Variants in PRR5 observed in about 807,000 individuals in gnomAD.
PRR5 encodes proline-rich protein 5.
A neutral mutation model predicts 30.6 loss-of-function variants in PRR5; 25 were observed. The ratio of observed to expected loss-of-function variants is 0.82; its 90% CI spans 0.60 to 1.14. The LOEUF (loss-of-function observed/expected upper bound fraction) is 1.14. Ranked by LOEUF, PRR5 falls within the 50% of genes most tolerant of loss-of-function variation. The probability of loss-of-function intolerance (pLI) is 0.00; values close to 1 mark genes in which losing one functional copy is unlikely to be tolerated. For missense variants in PRR5, 600 were observed against 547.1 expected (o/e 1.10, Z -0.96); for synonymous variants, 286 against 247.1 (o/e 1.16, Z -1.48).
Position 44,735,052 on chromosome 22 carries a change from C to T in PRR5, c.581C>T (p.Thr194Ile), listed in dbSNP as rs199542509. The change falls in exon 7 of 8, where the codon ACT becomes ATT. Residue 194 changes from threonine (T) to isoleucine (I), a missense_variant. Transcript: ENST00000336985. ...LQGVHESRGV[T>I]EDYLRLETLV... ...GGGGTACATGAGTCCAGGGGCGTGA[C>T]TGAGGACTACCTGCGCCTGGAGACG... 5 of 1,612,720 alleles carry T rather than the reference C, an allele frequency of 3.1e-6. No individual in the cohort carries two copies. In the East Asian group the frequency reaches 1.1e-4, roughly 36 times the overall value.
chr22:44,688,980 T>C (rs1010148994), intron 1 of PRR5, among the ~76,000 whole-genome samples: 1 of 152,212 alleles, frequency 6.6e-6, no homozygotes, highest in African/African-American at 2.4e-5. Flanking sequence ...TTATATCTTA[T>C]GTGTTATAAT....
At chr22:44,712,429 G>T (rs1569090348) in intron 1 of PRR5, among the ~76,000 whole-genome samples, 1 of 152,224 alleles carries the variant, frequency 6.6e-6, no homozygotes, top group African/African-American at 2.4e-5. Flanking sequence ...CTGTGACCCT[G>T]CCCTGCGCCA....
At chr22:44,683,301 G>A (rs566682402) in intron 1 of PRR5, among the ~76,000 whole-genome samples, 1 of 152,204 alleles carries the variant, frequency 6.6e-6, no homozygotes, top group Admixed American at 6.5e-5. Flanking sequence ...AATCCAAGTG[G>A]GCCAAGCCAG....
intron 1 of PRR5, among the ~76,000 whole-genome samples, chr22:44,690,735 A>C (rs1407593727): frequency 6.6e-6 from 1 of 152,160 alleles, no homozygotes. Flanking sequence ...TTATCACTGA[A>C]AAAATAACCC....
chr22:44,702,828 C>T (rs1001619270), intron 1 of PRR5, among the ~76,000 whole-genome samples: 25 of 152,258 alleles, frequency 1.6e-4, no homozygotes, highest in African/African-American at 6.0e-4. Context: ...CGAGGCCCGC[C>T]AGCGCCCGGG....
At chr22:44,729,533 C>G (rs138711043) in intron 4 of PRR5, 2 of 985,538 alleles carry the variant, frequency 2.0e-6, no homozygotes, top group East Asian at 2.3e-4. Context: ...GCTGTTTCAT[C>G]TCAGCTTTCG....
chr22:44,735,010 G>A lies in PRR5; in HGVS notation c.556-17G>A, dbSNP rs562986062. ...TCGGGTGCATGACCCCCTACCCCCT[G>A]CCCCACTCTCCTGCAGGGGGTACAT... On this transcript the variant is annotated splice_polypyrimidine_tract_variant and intron_variant, in intron 6 of 7. Transcript: ENST00000336985. The A allele has an allele frequency of 1.2e-6, 2 of 1,609,554 alleles. No homozygotes were observed. Among genetic ancestry groups the A allele is most frequent in the Non-Finnish European group, 1.7e-6 (2 of 1,177,492 alleles).
intron 1 of PRR5, among the ~76,000 whole-genome samples, chr22:44,689,296 G>A (rs952158922): frequency 7.9e-5 from 12 of 152,132 alleles, no homozygotes; most frequent in Non-Finnish European, 1.5e-4. Context: ...GAGTTCCGAG[G>A]AATCCAGCTT....
At chr22:44,718,192 C>CTTTTT (rs34868054) in intron 2 of PRR5, among the ~76,000 whole-genome samples, 7,869 of 94,306 alleles carry the variant, frequency 0.083, 806 homozygotes, top group East Asian at 0.15. Context: ...TTTCATCTCT[C>CTTTTT]TTTTTTTTTT....
At position 44,691,477 on chromosome 22, in the gene PRR5, T is replaced by C. The variant is rs985642368; in HGVS notation, c.-10-11015T>C. ...GCCTGGAGCTGACTCCTCCTGCCCC[T>C]GTGAAGAGTTGGGGCCCCTCCAGCG... On this transcript the variant is annotated intron_variant, in intron 1 of 8. Transcript: ENST00000006251. The surrounding 1 kb of genome is among the most constrained non-coding windows in gnomAD (Gnocchi z 4.4). 5.3e-5 allele frequency among the ~76,000 whole-genome samples: 8 copies of C among 152,038 alleles called. No homozygotes were observed. The highest frequency in any genetic ancestry group is 1.2e-4 in the African/African-American group (5 of 41,420).
intron 1 of PRR5, among the ~76,000 whole-genome samples, chr22:44,678,702 C>T (rs1601946996): frequency 1.3e-5 from 2 of 152,308 alleles, no homozygotes; most frequent in Non-Finnish European, 2.9e-5. Context: ...CAGGCGGACC[C>T]ACGGCCCCCT....
rs1315393630 is a variant in PRR5, at chr22:44,732,864, ATAC to A, written c.555+477_555+479del. Among the ~76,000 whole-genome samples the A allele has an allele frequency of 7.7e-5, 10 of 129,928 alleles. 1 individual carries two copies. Among genetic ancestry groups the A allele is most frequent in the East Asian group, 6.8e-4 (3 of 4,386 alleles). The allele number at this position is 129,928 out of a possible 152,430, so 85.2% of individuals were successfully genotyped here. A position where few individuals can be genotyped will look rare whatever the true frequency, so the allele number is the denominator to read the frequency against. ...CACGTGCACACACGTGCACACGCAC[ATAC>A]TACACACTGCACACACACACCACAC... On this transcript the variant is annotated intron_variant, in intron 6 of 7. Coordinates refer to ENST00000336985, the MANE Select transcript of PRR5 (RefSeq NM_181333.4).
upstream of PRR5, among the ~76,000 whole-genome samples, chr22:44,700,070 C>A (rs1271278463): frequency 6.6e-6 from 1 of 152,102 alleles, no homozygotes; most frequent in African/African-American, 2.4e-5. Flanking sequence ...AATCCTAACA[C>A]TATGGGTGGC....
chr22:44,717,034 C>A (rs1042091038), intron 2 of PRR5, among the ~76,000 whole-genome samples: 4 of 151,892 alleles, frequency 2.6e-5, no homozygotes, highest in Non-Finnish European at 5.9e-5. Flanking sequence ...GCACTTCAGC[C>A]TGGGTAACTG....
At chr22:44,736,722 G>A in intron 7 of PRR5, 50 bp from the exon 8 acceptor site, 3 of 1,512,692 alleles carry the variant, frequency 2.0e-6, no homozygotes, top group Non-Finnish European at 2.7e-6. Flanking sequence ...GCCAAGGCGG[G>A]CGGGGACCCA....
chr22:44,672,474 C>G (rs4823249), upstream of PRR5, among the ~76,000 whole-genome samples: 11,345 of 152,144 alleles, frequency 0.075, 707 homozygotes, highest in African/African-American at 0.16. Flanking sequence ...GTCCCAGCTA[C>G]TCGGGAGGCT....
At chr22:44,681,204 C>A in intron 1 of PRR5, among the ~76,000 whole-genome samples, 1 of 152,176 alleles carries the variant, frequency 6.6e-6, no homozygotes, top group East Asian at 1.9e-4. Context: ...TAGGAGTCTG[C>A]AGGATGATGG....
intron 2 of PRR5, among the ~76,000 whole-genome samples, chr22:44,721,077 C>T (rs1929861961): frequency 6.6e-6 from 1 of 152,202 alleles, no homozygotes; most frequent in African/African-American, 2.4e-5. Context: ...GCTACAGCTG[C>T]TCCTGATCCC....
At chr22:44,736,360 C>T (rs1923252226) in intron 7 of PRR5, among the ~76,000 whole-genome samples, 1 of 152,234 alleles carries the variant, frequency 6.6e-6, no homozygotes, top group South Asian at 2.1e-4. Flanking sequence ...GGCCCTCCCA[C>T]CATCCCCTTG....
Sources: gnomAD v4.1 joint callset for allele counts (sites outside exome capture counted in the v4.1 genomes callset) on GRCh38, gnomAD v4.1.1 for gene constraint, Gnocchi (gnomAD v3.1) non-coding constraint, MANE v1.5 for transcripts, NCBI Gene and HGNC (gene_info 2026-07-23, HGNC 2026-07-21) for gene names.